PCDHA1: variants seen among roughly 807,000 people sequenced by gnomAD.
PCDHA1 encodes the protein protocadherin alpha 1.
In PCDHA1, 42 loss-of-function variants were observed where a neutral mutation model predicts 61.3. The ratio of observed to expected loss-of-function variants is 0.69; its 90% CI spans 0.54 to 0.89. The LOEUF (loss-of-function observed/expected upper bound fraction) is 0.89. PCDHA1 is among the 40% of genes least tolerant of loss of function. The probability of loss-of-function intolerance (pLI) is 0.00; values close to 1 mark genes in which losing one functional copy is unlikely to be tolerated. For missense variants in PCDHA1, 1,256 were observed against 1,235.3 expected (o/e 1.02, Z -0.25); for synonymous variants, 610 against 553.8 (o/e 1.10, Z -1.43).
At chr5:140,882,561 G>A in intron 1 of PCDHA1, 2 of 1,614,222 alleles carry the variant, frequency 1.2e-6, no homozygotes, top group Non-Finnish European at 1.7e-6. Flanking sequence ...CTGTGTGGGC[G>A]GAGCGCGGAG....
chr5:140,962,107 G>A (rs1010906038), intron 1 of PCDHA1, among the ~76,000 whole-genome samples: 20 of 151,860 alleles, frequency 1.3e-4, no homozygotes, highest in African/African-American at 4.4e-4. Flanking sequence ...GGATGGTCTC[G>A]ATCTCCTAAC....
intron 1 of PCDHA1, among the ~76,000 whole-genome samples, chr5:140,911,000 C>T (rs139648608): frequency 1.9e-3 from 291 of 152,218 alleles, no homozygotes; most frequent in African/African-American, 6.7e-3. Context: ...ACCCCTAGGG[C>T]CCTCCTGGGA....
At chr5:140,807,515 G>T in intron 1 of PCDHA1, 2 of 1,613,912 alleles carry the variant, frequency 1.2e-6, no homozygotes, top group Non-Finnish European at 1.7e-6. Context: ...GGAGGTGATC[G>T]TAGACAGGCC....
chr5:140,948,902 T>C (rs943078074), intron 1 of PCDHA1, among the ~76,000 whole-genome samples: 1 of 151,528 alleles, frequency 6.6e-6, no homozygotes, highest in Non-Finnish European at 1.5e-5. Flanking sequence ...TTAAGTGGAT[T>C]CTTAGGTAAC....
intron 1 of PCDHA1, chr5:140,807,007 C>A: frequency 2.6e-6 from 2 of 765,920 alleles, no homozygotes; most frequent in Non-Finnish European, 4.1e-6. Context: ...CTCTTTACCA[C>A]AAAATACATG....
At chr5:140,927,678 A>G in intron 1 of PCDHA1, 1 of 1,614,180 alleles carries the variant, frequency 6.2e-7, no homozygotes, top group Non-Finnish European at 8.5e-7. Context: ...ATCCAGATGA[A>G]GGGTCCAATG....
At chr5:140,917,224 G>T (rs142866496) in intron 1 of PCDHA1, among the ~76,000 whole-genome samples, 1 of 150,920 alleles carries the variant, frequency 6.6e-6, no homozygotes, top group African/African-American at 2.4e-5. Flanking sequence ...TTAGTGATAC[G>T]TTGTTAAATC....
chr5:140,874,526 T>G (rs2054964457), intron 1 of PCDHA1, among the ~76,000 whole-genome samples: 1 of 152,242 alleles, frequency 6.6e-6, no homozygotes. Flanking sequence ...GTCAATGAGA[T>G]TAGGCTCCAA....
intron 1 of PCDHA1, chr5:140,852,865 C>G (rs2042498317): frequency 7.4e-6 from 7 of 950,286 alleles, no homozygotes; most frequent in Non-Finnish European, 7.6e-6. Flanking sequence ...TTTACTATGT[C>G]ATCAATAATC....
rs1392750282 is a variant in PCDHA1 at position 140,787,206 on chromosome 5, G to A, written c.916G>A (p.Asp306Asn). The stretch of plus-strand genomic sequence containing the variant: ...CAGCTCAGGAGAAATTAGGTTAATT[G>A]ATAAACTGGATTATGAAGAAACAAA... ...DSSSGEIRLI[D>N]KLDYEETKSY... Residue 306 changes from aspartate to asparagine, a missense_variant, in exon 1 of 4, where the codon GAT becomes AAT. By Grantham distance (23) the Asp-to-Asn change is conservative. Coordinates refer to ENST00000504120, the MANE Select transcript of PCDHA1 (RefSeq NM_018900.4). 1.2e-6 allele frequency: 2 copies of A among 1,613,934 alleles called. No homozygotes were observed. Among genetic ancestry groups the A allele is most frequent in the South Asian group, 2.2e-5 (2 of 91,060 alleles).
At chr5:140,822,596 A>G in intron 1 of PCDHA1, 1 of 1,612,122 alleles carries the variant, frequency 6.2e-7, no homozygotes, top group Non-Finnish European at 8.5e-7. Flanking sequence ...GGCATCAATA[A>G]GGAAATAGTG....
At chr5:140,791,396 G>T (rs1299837671) in intron 1 of PCDHA1, among the ~76,000 whole-genome samples, 1 of 152,206 alleles carries the variant, frequency 6.6e-6, no homozygotes, top group Non-Finnish European at 1.5e-5. Context: ...AATCCAGGAT[G>T]CTGAGCCAAC....
chr5:140,843,040 T>C lies in PCDHA1; in HGVS notation c.2394+54356T>C, dbSNP rs2150350832. 22 of 1,595,034 alleles carry C rather than the reference T, an allele frequency of 1.4e-5. 3 individuals are homozygous for C. The highest frequency in any genetic ancestry group is 1.2e-4 in the Admixed American group (7 of 59,274). On this transcript the variant is annotated intron_variant, in intron 1 of 3. Coordinates refer to ENST00000504120, the MANE Select transcript of PCDHA1 (RefSeq NM_018900.4). ...TGCTGGAGCCTCGGGTGGGTGGCACTGGTGGCGCAGCGAGCAAGCTGGTGC... is the reference window on the plus strand; with the variant it reads ...TGCTGGAGCCTCGGGTGGGTGGCACCGGTGGCGCAGCGAGCAAGCTGGTGC...
At chr5:140,822,845 C>G in intron 1 of PCDHA1, 1 of 1,614,190 alleles carries the variant, frequency 6.2e-7, no homozygotes, top group Non-Finnish European at 8.5e-7. Flanking sequence ...CTTTTCCTGC[C>G]TGTCAAAGAG....
chr5:140,927,839 G>T (rs782594719), intron 1 of PCDHA1: 1 of 1,614,208 alleles, frequency 6.2e-7, no homozygotes, highest in South Asian at 1.1e-5. Context: ...AGGGACGAAG[G>T]TGTCTTTGGT....
intron 3 of PCDHA1, among the ~76,000 whole-genome samples, chr5:140,985,728 C>G (rs2097165709): frequency 6.7e-6 from 1 of 148,846 alleles, no homozygotes; most frequent in Admixed American, 6.8e-5. Flanking sequence ...TTTTCCTTCA[C>G]TGATGAATTC....
In PCDHA1 at chr5:140,787,797, G is replaced by A. The variant is rs1562134332; in HGVS notation, c.1507G>A (p.Ala503Thr). ...GGTGGAACGGCGGGTGGGCGAGCGC[G>A]CGCTGTCGAACTACGTGTCAGTGCA... ...SLVERRVGER[A>T]LSNYVSVHAE... Residue 503 changes from alanine to threonine, a missense_variant, in exon 1 of 4, where the codon GCG (alanine) becomes ACG (threonine). By Grantham distance (58) the Ala-to-Thr change is moderately conservative. Coordinates refer to ENST00000504120, the MANE Select transcript of PCDHA1 (RefSeq NM_018900.4). 2 of 1,612,296 alleles carry A rather than the reference G, an allele frequency of 1.2e-6. No homozygotes were observed. The highest frequency in any genetic ancestry group is 8.5e-7 in the Non-Finnish European group (1 of 1,179,778).
chr5:140,809,372 G>A, intron 1 of PCDHA1: 2 of 1,614,010 alleles, frequency 1.2e-6, no homozygotes, highest in Non-Finnish European at 1.7e-6. Flanking sequence ...GCTGCCCACC[G>A]AGGGCGCGTG....
At position 140,808,632 on chromosome 5, in the gene PCDHA1, C is replaced by T; in HGVS notation, c.2394+19948C>T. 9.3e-6 allele frequency: 15 copies of T among 1,613,592 alleles called. No individual in the cohort carries two copies. The South Asian group carries it at 1.1e-4, about 12-fold the overall frequency. On this transcript the variant is annotated intron_variant, in intron 1 of 3. Transcript: ENST00000504120. ...ATCTTCACTGTGTCTGCGTGGGACG[C>T]GGACGCGCAGGAGAACGCGCTGGTG...
Sources: allele counts gnomAD v4.1 joint callset (sites outside exome capture counted in the v4.1 genomes callset), GRCh38; gene constraint gnomAD v4.1.1; transcripts MANE v1.5; gene names NCBI Gene and HGNC (gene_info 2026-07-23, HGNC 2026-07-21).